The following CCDC152 variants were observed in gnomAD, a reference collection of about 807,000 sequenced individuals.
CCDC152 encodes coiled-coil domain containing 152, also known as coiled-coil domain-containing protein 152.
In CCDC152, 37 loss-of-function variants were observed where a neutral mutation model predicts 38.1. The observed-to-expected ratio is 0.97, with a 90% CI of 0.75 to 1.28. The LOEUF is 1.28. Among genes scored for constraint, CCDC152 ranks in the 50% most tolerant of loss-of-function variants. The pLI is 0.00. For synonymous variants in CCDC152, 83 were observed against 87.1 expected (o/e 0.95, Z 0.26); for missense variants, 259 against 292.1 (o/e 0.89, Z 0.83).
At chr5:42,786,113 G>A (rs1350047572) in intron 6 of CCDC152, among the ~76,000 whole-genome samples, 1 of 152,008 alleles carries the variant, frequency 6.6e-6, no homozygotes. Flanking sequence ...GTATCAGCAT[G>A]ATACTGGTTT....
intron 6 of CCDC152, among the ~76,000 whole-genome samples, chr5:42,784,395 G>A (rs533945141): frequency 6.6e-6 from 1 of 152,232 alleles, no homozygotes; most frequent in East Asian, 1.9e-4. Context: ...CTTGTCAGCT[G>A]TGTGTATGTC....
At position 42,800,917 on chromosome 5, in the gene CCDC152, T is replaced by C; in HGVS notation, c.*1136T>C. On this transcript the variant is annotated 3_prime_UTR_variant, in exon 9 of 9. Coordinates refer to ENST00000361970, the MANE Select transcript of CCDC152 (RefSeq NM_001134848.2). ...GGGAGGTTTTCTTTACACTGTCAGG[T>C]GATTGCAGACCCTGTTTTTTCAAAT... The C allele has an allele frequency of 1.2e-6, 2 of 1,614,216 alleles. No homozygotes were observed. Among genetic ancestry groups the C allele is most frequent in the Non-Finnish European group, 1.7e-6 (2 of 1,180,048 alleles).
At chr5:42,791,861 A>G (rs1490543657) in intron 6 of CCDC152, among the ~76,000 whole-genome samples, 1 of 152,182 alleles carries the variant, frequency 6.6e-6, no homozygotes, top group Non-Finnish European at 1.5e-5. Flanking sequence ...TCTCAGGGAT[A>G]CTCACATAGC....
intron 7 of CCDC152, among the ~76,000 whole-genome samples, 166 bp downstream of exon 7, chr5:42,797,122 A>G (rs1486882780): frequency 6.6e-6 from 1 of 152,234 alleles, no homozygotes; most frequent in Non-Finnish European, 1.5e-5. Flanking sequence ...ATCACATACC[A>G]TACAACTGTC....
Position 42,801,231 on chromosome 5 carries a change from T to C in CCDC152, c.*1450T>C, listed in dbSNP as rs1760192024. Reference sequence around the variant, plus strand: ...GCTGCCAAGGTGCTGATGTCCATGATTGTGATGATGCTCATGATGGTAATG... The same window carrying C: ...GCTGCCAAGGTGCTGATGTCCATGACTGTGATGATGCTCATGATGGTAATG... On this transcript the variant is annotated 3_prime_UTR_variant, in exon 9 of 9. Transcript: ENST00000361970. The C allele has an allele frequency of 4.3e-6, 7 of 1,614,030 alleles. No individual in the cohort carries two copies. The highest frequency in any genetic ancestry group is 1.3e-5 in the African/African-American group (1 of 74,912).
chr5:42,801,212 A>G lies in CCDC152; in HGVS notation c.*1431A>G. ...GATTCTCTGAAAGCTCACTGCTGCC[A>G]AGGTGCTGATGTCCATGATTGTGAT... On this transcript the variant is annotated 3_prime_UTR_variant, in exon 9 of 9. Coordinates refer to ENST00000361970, the MANE Select transcript of CCDC152 (RefSeq NM_001134848.2). 1 of 1,614,178 alleles carries G rather than the reference A, an allele frequency of 6.2e-7. No homozygotes were observed. Among genetic ancestry groups the G allele is most frequent in the Non-Finnish European group, 8.5e-7 (1 of 1,180,030 alleles).
chr5:42,763,589 T>C (rs191032163), intron 3 of CCDC152, among the ~76,000 whole-genome samples: 35 of 152,334 alleles, frequency 2.3e-4, no homozygotes. Context: ...ATTGATAGTA[T>C]ATACTCTCGA....
At position 42,799,617 on chromosome 5, in the gene CCDC152, T is replaced by TTA. The variant is rs1760133521; in HGVS notation, c.643-41_643-40insAT. ...TATTTTGTTGTTCCTTGTACTAAATTTTATTTCTGAATTCTAATAACAAAT... is the reference window on the plus strand; with the variant it reads ...TATTTTGTTGTTCCTTGTACTAAATTTATTATTTCTGAATTCTAATAACAAAT... On this transcript the variant is annotated intron_variant, in intron 8 of 8. Transcript: ENST00000361970. 12 of 1,446,902 alleles carry TTA rather than the reference T, an allele frequency of 8.3e-6. No homozygotes were observed. In the Admixed American group the frequency reaches 2.7e-4, roughly 32 times the overall value. The allele number at this position is 1,446,902 out of a possible 1,614,324, so 89.6% of individuals were successfully genotyped here. A position where few individuals can be genotyped will look rare whatever the true frequency, so the allele number is the denominator to read the frequency against.
intron 3 of CCDC152, among the ~76,000 whole-genome samples, chr5:42,765,959 A>G (rs2111942797): frequency 6.6e-6 from 1 of 152,310 alleles, no homozygotes; most frequent in East Asian, 1.9e-4. Context: ...GGATACAATT[A>G]ACAAAGTGAA....
In CCDC152 at chr5:42,783,580, A is replaced by G. The variant is rs1332566750; in HGVS notation, c.430+4A>G. ...TATCAGGACATGCAGAGAAAAGGTA[A>G]GTTTAAAATAAACTTGCTTTTTTGT... is the stretch of plus-strand genomic sequence containing the variant. On this transcript the variant is annotated splice_donor_region_variant and intron_variant, in intron 6 of 8. Transcript: ENST00000361970. 1 of 1,331,262 alleles carries G rather than the reference A, an allele frequency of 7.5e-7. No individual in the cohort carries two copies. The highest frequency in any genetic ancestry group is 3.0e-5 in the East Asian group (1 of 32,788). 82.5% of individuals were successfully genotyped at this position (1,331,262 alleles called of 1,614,324 possible).
At chr5:42,790,851 A>G (rs566730778) in intron 6 of CCDC152, among the ~76,000 whole-genome samples, 13 of 152,320 alleles carry the variant, frequency 8.5e-5, no homozygotes, top group African/African-American at 3.1e-4. Context: ...TGACCTCAGC[A>G]TAAACATGGT....
chr5:42,797,104 T>C lies in CCDC152; in HGVS notation c.558+148T>C, dbSNP rs766220251. On this transcript the variant is annotated intron_variant, in intron 7 of 8. Coordinates refer to ENST00000361970, the MANE Select transcript of CCDC152 (RefSeq NM_001134848.2). ...CACATGCTCATTCTCCACCAAATGA[T>C]TGCAGTAATCACATACCATACAACT... 1.7e-5 allele frequency: 10 copies of C among 601,370 alleles called. No homozygotes were observed. The Admixed American group carries it at 2.0e-4, about 12-fold the overall frequency. The allele number at this position is 601,370 out of a possible 1,614,324, so 37.3% of individuals were successfully genotyped here. A position where few individuals can be genotyped will look rare whatever the true frequency, so the allele number is the denominator to read the frequency against.
intron 3 of CCDC152, among the ~76,000 whole-genome samples, chr5:42,764,268 G>A (rs1487272230): frequency 1.3e-5 from 2 of 152,030 alleles, no homozygotes; most frequent in Non-Finnish European, 2.9e-5. Flanking sequence ...AAATTAGCCG[G>A]GCATGGTGGC....
At chr5:42,790,190 G>A (rs112484062) in intron 6 of CCDC152, among the ~76,000 whole-genome samples, 6 of 152,306 alleles carry the variant, frequency 3.9e-5, no homozygotes, top group African/African-American at 1.4e-4. Flanking sequence ...CAGATGAAGG[G>A]CCAGGCACGG....
chr5:42,779,302 C>G (rs56273800), intron 4 of CCDC152, among the ~76,000 whole-genome samples, 156 bp from the exon 5 acceptor site: 39,451 of 152,084 alleles, frequency 0.26, 5,714 homozygotes, highest in Admixed American at 0.38. Context: ...TTTTCACTTT[C>G]ATATTCTCAG....
At chr5:42,783,886 C>T (rs1431071197) in intron 6 of CCDC152, among the ~76,000 whole-genome samples, 1 of 152,078 alleles carries the variant, frequency 6.6e-6, no homozygotes, top group Non-Finnish European at 1.5e-5. Context: ...AGAATGATGC[C>T]CTCCAGCTCC....
chr5:42,769,073 C>T (rs189241686), intron 3 of CCDC152, among the ~76,000 whole-genome samples: 2 of 152,058 alleles, frequency 1.3e-5, no homozygotes, highest in East Asian at 1.9e-4. Flanking sequence ...CATGGTGAAA[C>T]GCCGTCTCTA....
At chr5:42,792,694 C>T (rs1176266078) in intron 6 of CCDC152, among the ~76,000 whole-genome samples, 1 of 152,176 alleles carries the variant, frequency 6.6e-6, no homozygotes. Context: ...TTTCCTTGTG[C>T]TAGTTCAGGT....
Position 42,779,504 on chromosome 5 carries a change from G to T in CCDC152, c.309G>T (p.Lys103Asn). The T allele has an allele frequency of 6.6e-7, 1 of 1,514,834 alleles. No individual in the cohort carries two copies. The highest frequency in any genetic ancestry group is 9.0e-7 in the Non-Finnish European group (1 of 1,114,076). The allele number at this position is 1,514,834 out of a possible 1,614,324, so 93.8% of individuals were successfully genotyped here. ...TAAGTGCTGATCTTATAAAAGAGAAGTTAAAGTCTCATGAACAGGTGAGTT... is the reference window on the plus strand; with the variant it reads ...TAAGTGCTGATCTTATAAAAGAGAATTTAAAGTCTCATGAACAGGTGAGTT... ...LKISADLIKE[K>N]LKSHEQEYKN... Residue 103 changes from lysine to asparagine, a missense_variant, in exon 5 of 9, where the codon AAG becomes AAT. By Grantham distance (94) the Lys-to-Asn change is moderately conservative. Transcript: ENST00000361970.
Sources: gnomAD v4.1 joint callset for allele counts (sites outside exome capture counted in the v4.1 genomes callset) on GRCh38, gnomAD v4.1.1 for gene constraint, MANE v1.5 for transcripts, NCBI Gene and HGNC (gene_info 2026-07-23, HGNC 2026-07-21) for gene names.